The following ANO2 variants were observed in gnomAD, a reference collection of about 807,000 sequenced individuals.
The protein encoded by ANO2 is anoctamin 2.
Under a neutral mutation model 124.2 loss-of-function variants are expected in ANO2, and 101 were observed. The observed-to-expected ratio is 0.81, with a 90% CI of 0.69 to 0.96. The LOEUF (loss-of-function observed/expected upper bound fraction) is 0.96. Ranked by LOEUF, ANO2 falls within the 40% of genes least tolerant of loss-of-function variation. The pLI is 0.00. For missense variants in ANO2, 1,293 were observed against 1,274.5 expected (o/e 1.01, Z -0.22); for synonymous variants, 486 against 482.5 (o/e 1.01, Z -0.09).
intron 3 of ANO2, among the ~76,000 whole-genome samples, chr12:5,857,060 T>C (rs924289144): frequency 6.6e-6 from 1 of 152,166 alleles, no homozygotes; most frequent in African/African-American, 2.4e-5. Context: ...ATGTGACTGG[T>C]TGTGTCTCCA....
chr12:5,617,222 C>A lies in ANO2; in HGVS notation c.1817-1925G>T, dbSNP rs1221184016. Among the ~76,000 whole-genome samples, 12 of 152,166 alleles carry A rather than the reference C, an allele frequency of 7.9e-5. No individual in the cohort carries two copies. The South Asian group carries it at 2.1e-3, about 26-fold the overall frequency. ...ACCACACCCTCAAGATCACAATGTA[C>A]CACACTCTCCAATTCACACCATACC... On this transcript the variant is annotated intron_variant, in intron 16 of 24. Coordinates refer to ENST00000682330, the MANE Select transcript of ANO2 (RefSeq NM_001364791.2).
In ANO2 at chr12:5,636,613, C is replaced by CAA. The variant is rs1946027343; in HGVS notation, c.1621-1267_1621-1266insTT. Among the ~76,000 whole-genome samples, 1 of 145,114 alleles carries CAA rather than the reference C, an allele frequency of 6.9e-6. No individual in the cohort carries two copies. ...AATAAGCTGTGCTGGACTACACACA[C>CAA]ACACACACACACACACACACACACA... On this transcript the variant is annotated intron_variant, in intron 15 of 24. Transcript: ENST00000682330. This position sits in a 1 kb window ranked among gnomAD's most constrained non-coding sequence, Gnocchi z 4.6.
chr12:5,573,482 C>A (rs991822897), intron 23 of ANO2, among the ~76,000 whole-genome samples: 2 of 152,328 alleles, frequency 1.3e-5, no homozygotes, highest in Non-Finnish European at 2.9e-5. Flanking sequence ...TTAGACCCTG[C>A]TTTGAGAAGA....
chr12:5,736,017 G>A (rs1950846176), intron 13 of ANO2, among the ~76,000 whole-genome samples: 1 of 152,198 alleles, frequency 6.6e-6, no homozygotes, highest in African/African-American at 2.4e-5. Flanking sequence ...GGCAAGAGTG[G>A]CCCACTGAGC....
At chr12:5,926,937 G>C (rs1409316111) in intron 1 of ANO2, among the ~76,000 whole-genome samples, 1 of 152,184 alleles carries the variant, frequency 6.6e-6, no homozygotes, top group Non-Finnish European at 1.5e-5. Context: ...CATAAAGTGA[G>C]TGTGATGATA....
intron 3 of ANO2, among the ~76,000 whole-genome samples, chr12:5,906,876 A>G (rs1011586725): frequency 9.9e-5 from 15 of 152,200 alleles, no homozygotes; most frequent in Non-Finnish European, 2.2e-4. Flanking sequence ...CTGTTCTAAA[A>G]GTCTTCAATC....
At chr12:5,679,169 CA>C (rs11321456) in intron 14 of ANO2, among the ~76,000 whole-genome samples, 76,370 of 151,988 alleles carry the variant, frequency 0.5, 21,152 homozygotes, top group Middle Eastern at 0.62. Flanking sequence ...TGTAAAATCC[CA>C]AACTATAAAA....
At chr12:5,606,847 A>G (rs1944245119) in intron 19 of ANO2, among the ~76,000 whole-genome samples, 1 of 152,308 alleles carries the variant, frequency 6.6e-6, no homozygotes, top group Admixed American at 6.5e-5. Flanking sequence ...AAAGAGATAA[A>G]TTATAGCTGA....
At chr12:5,678,934 G>A (rs1033812309) in intron 14 of ANO2, among the ~76,000 whole-genome samples, 1 of 152,302 alleles carries the variant, frequency 6.6e-6, no homozygotes, top group Non-Finnish European at 1.5e-5. Flanking sequence ...TCTACATTTA[G>A]GTTCAGAAAA....
chr12:5,662,335 T>C (rs1363481991), intron 14 of ANO2, among the ~76,000 whole-genome samples: 1 of 152,208 alleles, frequency 6.6e-6, no homozygotes, highest in African/African-American at 2.4e-5. Flanking sequence ...ACTTAAGAGA[T>C]GGTTGGTGTC....
intron 16 of ANO2, among the ~76,000 whole-genome samples, chr12:5,616,556 T>C (rs559128240): frequency 6.6e-6 from 1 of 152,266 alleles, no homozygotes; most frequent in Non-Finnish European, 1.5e-5. Flanking sequence ...CTACATCATA[T>C]GGACCAAGAA....
intron 3 of ANO2, among the ~76,000 whole-genome samples, chr12:5,869,438 A>G (rs1955513754): frequency 1.3e-5 from 2 of 152,206 alleles, no homozygotes; most frequent in Admixed American, 6.5e-5. Context: ...AACTCAAAGC[A>G]AAGCCCAGGG....
intron 7 of ANO2, among the ~76,000 whole-genome samples, chr12:5,811,359 CT>C (rs1202732273): frequency 1.3e-5 from 2 of 152,200 alleles, no homozygotes; most frequent in African/African-American, 4.8e-5. Flanking sequence ...ACTTAAATGC[CT>C]TTAATCCCAA....
At chr12:5,734,691 A>G (rs1440674588) in intron 13 of ANO2, among the ~76,000 whole-genome samples, 1 of 147,708 alleles carries the variant, frequency 6.8e-6, no homozygotes, top group Non-Finnish European at 1.5e-5. Context: ...TCTGTCGCCC[A>G]GGCTGGAGTG....
At chr12:5,901,257 C>T (rs576084928) in intron 3 of ANO2, among the ~76,000 whole-genome samples, 1 of 152,286 alleles carries the variant, frequency 6.6e-6, no homozygotes, top group Admixed American at 6.5e-5. Flanking sequence ...GAACAGGAAG[C>T]AGCCAGACAG....
At chr12:5,903,128 A>G (rs574938631) in intron 3 of ANO2, among the ~76,000 whole-genome samples, 5 of 151,828 alleles carry the variant, frequency 3.3e-5, no homozygotes, top group Non-Finnish European at 7.4e-5. Flanking sequence ...GCACCGGACA[A>G]TTGCGCAGTG....
intron 3 of ANO2, among the ~76,000 whole-genome samples, chr12:5,902,034 A>T (rs576480970): frequency 1.2e-4 from 19 of 152,344 alleles, no homozygotes; most frequent in Admixed American, 3.9e-4. Context: ...CGAGCAAAAG[A>T]GGCAGTTTAT....
At chr12:5,926,688 G>A (rs1565787503) in intron 1 of ANO2, among the ~76,000 whole-genome samples, 1 of 152,176 alleles carries the variant, frequency 6.6e-6, no homozygotes, top group South Asian at 2.1e-4. Context: ...TAATCAAGGT[G>A]TAAGACTGGA....
At chr12:5,915,190 G>A (rs925207725) in intron 3 of ANO2, among the ~76,000 whole-genome samples, 7 of 152,140 alleles carry the variant, frequency 4.6e-5, no homozygotes, top group South Asian at 2.1e-4. Flanking sequence ...CATCTCCAAC[G>A]ACGTCTTTAA....
Sources: gnomAD v4.1 joint callset for allele counts (sites outside exome capture counted in the v4.1 genomes callset) on GRCh38, gnomAD v4.1.1 for gene constraint, Gnocchi (gnomAD v3.1) non-coding constraint, MANE v1.5 for transcripts, NCBI Gene and HGNC (gene_info 2026-07-23, HGNC 2026-07-21) for gene names.